Variants in TNFRSF11A observed in about 807,000 individuals in gnomAD.
TNFRSF11A encodes tumor necrosis factor receptor superfamily member 11A.
In TNFRSF11A, 32 loss-of-function variants were observed where a neutral mutation model predicts 55.7. The ratio of observed to expected loss-of-function variants is 0.57; its 90% confidence interval spans 0.43 to 0.77. The LOEUF is 0.77. TNFRSF11A is among the 30% of genes least tolerant of loss of function. The pLI, the probability that TNFRSF11A is intolerant of heterozygous loss-of-function variation, is 0.00. For synonymous variants in TNFRSF11A, 311 were observed against 331.0 expected, an observed-to-expected ratio of 0.94 and a Z score of 0.65; for missense variants, 753 against 809.8, an observed-to-expected ratio of 0.93 and a Z score of 0.85.
At position 62,385,303 on chromosome 18, in the gene TNFRSF11A, G is replaced by A. The variant is rs1911637002; in HGVS notation, c.*269G>A. ...CTCCTCAAACTCGCAGCAGTAATTT[G>A]TGGCACTATGACAGCTATTTTTATG... On this transcript the variant is annotated 3_prime_UTR_variant, in exon 10 of 10. Coordinates refer to ENST00000586569, the MANE Select transcript of TNFRSF11A (RefSeq NM_003839.4). 2 of 374,324 alleles carry A rather than the reference G, an allele frequency of 5.3e-6. No homozygotes were observed. The highest frequency in any genetic ancestry group is 9.4e-6 in the Non-Finnish European group (2 of 212,286). The allele number at this position is 374,324 out of a possible 1,614,324, so 23.2% of individuals were successfully genotyped here. A position where few individuals can be genotyped will look rare whatever the true frequency, so the allele number is the denominator to read the frequency against.
rs1911713421 is a variant in TNFRSF11A at position 62,386,084 on chromosome 18, T to C, written c.*1050T>C. Reference sequence around the variant, plus strand: ...GTGACCTTACCCGCTAGGTGGTTAATTTATCCATGCTGGCAGAGGCACTCA... The same window carrying C: ...GTGACCTTACCCGCTAGGTGGTTAACTTATCCATGCTGGCAGAGGCACTCA... On this transcript the variant is annotated 3_prime_UTR_variant, in exon 10 of 10. Transcript: ENST00000586569. The C allele has an allele frequency of 6.6e-6, 1 of 152,344 alleles. No individual in the cohort carries two copies. The highest frequency in any genetic ancestry group is 2.1e-4 in the South Asian group (1 of 4,826). The allele number at this position is 152,344 out of a possible 1,614,324, so 9.4% of individuals were successfully genotyped here.
chr18:62,357,060 A>G (rs1310091548), intron 4 of TNFRSF11A, among the ~76,000 whole-genome samples: 1 of 152,242 alleles, frequency 6.6e-6, no homozygotes, highest in East Asian at 1.9e-4. Context: ...TCTTCTTAAT[A>G]AAGATTCAAG....
intron 1 of TNFRSF11A, chr18:62,336,299 T>TA (rs1299552602): frequency 2.6e-5 from 4 of 152,226 alleles, no homozygotes; most frequent in African/African-American, 9.6e-5. Context: ...ACCTGCATTT[T>TA]AATAAAATTT....
intron 7 of TNFRSF11A, among the ~76,000 whole-genome samples, chr18:62,366,117 C>T (rs1444260153): frequency 6.6e-6 from 1 of 152,172 alleles, no homozygotes; most frequent in Non-Finnish European, 1.5e-5. Flanking sequence ...CGCGCCTGGC[C>T]CTTCATAGCC....
chr18:62,384,879 A>G lies in TNFRSF11A; in HGVS notation c.1696A>G (p.Met566Val), dbSNP rs781554550. The G allele has an allele frequency of 6.8e-5, 109 of 1,594,984 alleles. No homozygotes were observed. Among genetic ancestry groups the G allele is most frequent in the Middle Eastern group, 1.7e-4 (1 of 6,052 alleles). ...QEGAAAAAEP[M>V]GRPVQEETLA... ...GGGCGCGGCGGCGGCTGCGGAGCCC[A>G]TGGGCCGCCCGGTGCAGGAGGAGAC... The change falls in exon 10 of 10, where the codon ATG becomes GTG. Residue 566 changes from methionine (M) to valine (V), a missense_variant. Around this residue, in one of 3 missense-constraint regions of TNFRSF11A, gnomAD observed 567 missense variants for 596.7 expected, o/e 0.95. Transcript: ENST00000586569.
rs1456756005 is a variant in TNFRSF11A, at chr18:62,365,381, G to A, written c.731-1327G>A. ...AAAATTCATAAAATTTAACCTTTTA[G>A]GTTTCATCACTTCTGTAAGAGTGGG... On this transcript the variant is annotated intron_variant, in intron 7 of 9. Coordinates refer to ENST00000586569, the MANE Select transcript of TNFRSF11A (RefSeq NM_003839.4). Among the ~76,000 whole-genome samples, 5 of 152,208 alleles carry A rather than the reference G, an allele frequency of 3.3e-5. No homozygotes were observed. In the East Asian group the frequency reaches 9.6e-4, roughly 29 times the overall value.
chr18:62,337,261 G>A (rs2046248572), intron 1 of TNFRSF11A, among the ~76,000 whole-genome samples: 1 of 152,036 alleles, frequency 6.6e-6, no homozygotes, highest in Non-Finnish European at 1.5e-5. Context: ...TTTATGTTAT[G>A]TGTATTTTAT....
chr18:62,374,958 G>A (rs181753332), intron 9 of TNFRSF11A, among the ~76,000 whole-genome samples: 65 of 151,858 alleles, frequency 4.3e-4, no homozygotes, highest in African/African-American at 1.5e-3. Flanking sequence ...AGGCTGGAGA[G>A]CAGTGGCACG....
Position 62,390,704 on chromosome 18 carries a change from C to A in TNFRSF11A, c.*5670C>A, listed in dbSNP as rs1239255446. 1 of 152,188 alleles carries A rather than the reference C, an allele frequency of 6.6e-6. No individual in the cohort carries two copies. The highest frequency in any genetic ancestry group is 2.4e-5 in the African/African-American group (1 of 41,450). The allele number at this position is 152,188 out of a possible 1,614,324, so 9.4% of individuals were successfully genotyped here. A position where few individuals can be genotyped will look rare whatever the true frequency, so the allele number is the denominator to read the frequency against. ...AAGCAGCAGCAGTAAAACATCTTAC[C>A]CTAAAATGAAGAAGCAAATCCATTT... On this transcript the variant is annotated 3_prime_UTR_variant, in exon 10 of 10. Transcript: ENST00000586569.
At chr18:62,353,606 T>G (rs1252603445) in intron 3 of TNFRSF11A, among the ~76,000 whole-genome samples, 1 of 152,176 alleles carries the variant, frequency 6.6e-6, no homozygotes. Context: ...CAAATAAATT[T>G]TATTGAGCAG....
intron 9 of TNFRSF11A, 37 bp from the exon 10 acceptor site, chr18:62,384,714 C>T: frequency 6.2e-7 from 1 of 1,605,522 alleles, no homozygotes; most frequent in South Asian, 1.1e-5. Flanking sequence ...CGGGCGCTGA[C>T]TCACCCTCCC....
chr18:62,335,218 C>T (rs1034491138), intron 1 of TNFRSF11A, among the ~76,000 whole-genome samples: 5 of 151,464 alleles, frequency 3.3e-5, no homozygotes, highest in Non-Finnish European at 7.4e-5. Flanking sequence ...AGCAATTCTC[C>T]TGCCTCAGCC....
rs1345886034 is a variant in TNFRSF11A at position 62,389,092 on chromosome 18, A to G, written c.*4058A>G. 6.6e-6 allele frequency: 1 copy of G among 152,306 alleles called. No homozygotes were observed. The allele number at this position is 152,306 out of a possible 1,614,324, so 9.4% of individuals were successfully genotyped here. A position where few individuals can be genotyped will look rare whatever the true frequency, so the allele number is the denominator to read the frequency against. ...GAGGAGACAAAGCATTCAAAGCCCTAAACACTCTGTTGGTGAATCATCATG... is the reference window on the plus strand; with the variant it reads ...GAGGAGACAAAGCATTCAAAGCCCTGAACACTCTGTTGGTGAATCATCATG... On this transcript the variant is annotated 3_prime_UTR_variant, in exon 10 of 10. Coordinates refer to ENST00000586569, the MANE Select transcript of TNFRSF11A (RefSeq NM_003839.4).
At position 62,385,517 on chromosome 18, in the gene TNFRSF11A, C is replaced by A. The variant is rs1278421959; in HGVS notation, c.*483C>A. The A allele has an allele frequency of 6.6e-6, 1 of 152,272 alleles. No individual in the cohort carries two copies. The highest frequency in any genetic ancestry group is 1.5e-5 in the Non-Finnish European group (1 of 68,374). The allele number at this position is 152,272 out of a possible 1,614,324, so 9.4% of individuals were successfully genotyped here. A position where few individuals can be genotyped will look rare whatever the true frequency, so the allele number is the denominator to read the frequency against. Reference sequence around the variant, plus strand: ...TCTTTTTTTGGCAACCTGGCTCTGGCCCAGGCTAGAGTGCAGTGGTGCGAT... The same window carrying A: ...TCTTTTTTTGGCAACCTGGCTCTGGACCAGGCTAGAGTGCAGTGGTGCGAT... On this transcript the variant is annotated 3_prime_UTR_variant, in exon 10 of 10. Transcript: ENST00000586569.
In TNFRSF11A at chr18:62,385,196, AG is replaced by A; in HGVS notation, c.*164del. ...TTGCCTTCCAGGAAATGGGCTTTTC[AG>A]GAAGTGAATTGATGAGGACTGTCCC... On this transcript the variant is annotated 3_prime_UTR_variant, in exon 10 of 10. Transcript: ENST00000586569. The A allele has an allele frequency of 1.2e-6, 1 of 831,824 alleles. No homozygotes were observed. Among genetic ancestry groups the A allele is most frequent in the South Asian group, 2.5e-5 (1 of 40,504 alleles). The allele number at this position is 831,824 out of a possible 1,614,324, so 51.5% of individuals were successfully genotyped here.
At position 62,369,595 on chromosome 18, in the gene TNFRSF11A, G is replaced by A. The variant is rs370958805; in HGVS notation, c.1567+111G>A. 214 of 1,384,388 alleles carry A rather than the reference G, an allele frequency of 1.5e-4. No individual in the cohort carries two copies. In the Middle Eastern group the frequency reaches 2.0e-3, roughly 13 times the overall value. The allele number at this position is 1,384,388 out of a possible 1,614,324, so 85.8% of individuals were successfully genotyped here. ...GGAGGAAGCTAATGGGAAAACCTCA[G>A]CTTGTGCTTTTTCTCTTAATAAGCA... On this transcript the variant is annotated intron_variant, in intron 9 of 9. Transcript: ENST00000586569.
intron 1 of TNFRSF11A, among the ~76,000 whole-genome samples, chr18:62,339,331 G>T (rs956733822): frequency 6.6e-6 from 1 of 151,922 alleles, no homozygotes. Flanking sequence ...TCTCTGCCCC[G>T]CAACCTCACC....
At chr18:62,384,650 T>C in intron 9 of TNFRSF11A, 101 bp from the exon 10 acceptor site, 1 of 1,423,884 alleles carries the variant, frequency 7.0e-7, no homozygotes, top group Non-Finnish European at 9.7e-7. Flanking sequence ...GCTGTGGGAA[T>C]CCGGGGAGCC....
chr18:62,358,405 T>TGAAA (rs1909431783), intron 5 of TNFRSF11A, 64 bp downstream of exon 5: 1 of 1,473,632 alleles, frequency 6.8e-7, no homozygotes, highest in South Asian at 1.1e-5. Flanking sequence ...CTCCACTGTC[T>TGAAA]CGTCTGGGTT....
Sources: gnomAD v4.1 joint callset for allele counts (sites outside exome capture counted in the v4.1 genomes callset) on GRCh38, gnomAD v4.1.1 for gene constraint, gnomAD v4.1.1 regional missense constraint, MANE v1.5 for transcripts, NCBI Gene and HGNC (gene_info 2026-07-23, HGNC 2026-07-21) for gene names.